DUSP16: variants seen among roughly 807,000 people sequenced by gnomAD.
The protein encoded by DUSP16 is dual specificity phosphatase 16.
DUSP16 carries 21 observed loss-of-function variants against 58.3 expected under a neutral mutation model. The observed-to-expected ratio is 0.36, with a 90% CI of 0.26 to 0.52. The LOEUF (loss-of-function observed/expected upper bound fraction) is 0.52, where lower values mean the gene tolerates loss of function less well. DUSP16 is among the 20% of genes least tolerant of loss of function. The probability of loss-of-function intolerance (pLI) is 0.94; values close to 1 mark genes in which losing one functional copy is unlikely to be tolerated. For missense variants in DUSP16, 726 were observed against 819.0 expected (o/e 0.89, Z 1.39); for synonymous variants, 320 against 323.8 (o/e 0.99, Z 0.12).
rs200650934 is a variant in DUSP16 at position 12,508,457 on chromosome 12, GA to G, written c.368-7776del. The stretch of plus-strand genomic sequence containing the variant: ...CACAGGTTTGGTAAATTACTCCTAG[GA>G]AGGTAGAGAGCATAGCATTTTTTCC... On this transcript the variant is annotated intron_variant, in intron 3 of 6. Coordinates refer to ENST00000298573, the MANE Select transcript of DUSP16 (RefSeq NM_030640.3). Among the ~76,000 whole-genome samples the G allele has an allele frequency of 8.5e-3, 1,296 of 152,322 alleles. 23 individuals carry two copies. The highest frequency in any genetic ancestry group is 0.029 in the African/African-American group (1,212 of 41,572).
intron 1 of DUSP16, among the ~76,000 whole-genome samples, chr12:12,536,571 CCT>C (rs1317638967): frequency 6.6e-6 from 1 of 151,880 alleles, no homozygotes; most frequent in Non-Finnish European, 1.5e-5. Flanking sequence ...ATGGTGAGAC[CCT>C]GTCTCTACTA....
At chr12:12,505,341 G>A (rs747698996) in intron 3 of DUSP16, among the ~76,000 whole-genome samples, 1 of 152,192 alleles carries the variant, frequency 6.6e-6, no homozygotes, top group Non-Finnish European at 1.5e-5. Flanking sequence ...CCAAACTGAT[G>A]GAAGAGCCTT....
intron 3 of DUSP16, among the ~76,000 whole-genome samples, chr12:12,501,509 C>T (rs188306735): frequency 6.6e-6 from 1 of 152,248 alleles, no homozygotes; most frequent in Admixed American, 6.5e-5. Flanking sequence ...TTCACTCCCT[C>T]CGGGAAAAGA....
rs1264190479 is a variant in DUSP16, at chr12:12,477,654, T to C, written c.1177A>G (p.Ser393Gly). The C allele has an allele frequency of 1.2e-6, 2 of 1,614,222 alleles. No homozygotes were observed. The highest frequency in any genetic ancestry group is 2.2e-5 in the East Asian group (1 of 44,884). ...GAGAAGGAACGCTTGAGCTTATTGC[T>C]GTCTTCCAGCCTGTCTGCGGACAGG... ...LHLSADRLED[S>G]NKLKRSFSLD... The change falls in exon 7 of 7, where the codon AGC becomes GGC. Residue 393 changes from serine to glycine, a missense_variant. Physicochemically the swap from Ser to Gly is moderately conservative, Grantham distance 56. Transcript: ENST00000298573. This position sits in a 1 kb window ranked among gnomAD's most constrained non-coding sequence, Gnocchi z 4.1.
At chr12:12,482,652 G>A (rs1943594474) in intron 5 of DUSP16, among the ~76,000 whole-genome samples, 2 of 152,204 alleles carry the variant, frequency 1.3e-5, no homozygotes, top group South Asian at 4.1e-4. Context: ...CCAGAGAGAA[G>A]GTTTGAGAAG....
chr12:12,506,369 T>A (rs1222840325), intron 3 of DUSP16, among the ~76,000 whole-genome samples: 1 of 152,256 alleles, frequency 6.6e-6, no homozygotes, highest in Non-Finnish European at 1.5e-5. Flanking sequence ...ATAACTTTGT[T>A]GTCCCAGGGA....
At chr12:12,521,710 A>G (rs1192704928) in intron 1 of DUSP16, among the ~76,000 whole-genome samples, 1 of 152,250 alleles carries the variant, frequency 6.6e-6, no homozygotes, top group East Asian at 1.9e-4. Context: ...AAGACATATC[A>G]TGAATTATAA....
At chr12:12,483,544 G>A (rs1943617064) in intron 5 of DUSP16, among the ~76,000 whole-genome samples, 1 of 152,036 alleles carries the variant, frequency 6.6e-6, no homozygotes, top group South Asian at 2.1e-4. Context: ...AATAACCAGG[G>A]TAGGCAGGAC....
At position 12,514,112 on chromosome 12, in the gene DUSP16, C is replaced by G. The variant is rs531598479; in HGVS notation, c.367+5750G>C. ...ACTATTGATACAGAAATTTCACATC[C>G]ATTGTCTAATACAATCCTCATAATA... is the stretch of plus-strand genomic sequence containing the variant. On this transcript the variant is annotated intron_variant, in intron 3 of 6. Transcript: ENST00000298573. Among the ~76,000 whole-genome samples, 41 of 152,176 alleles carry G rather than the reference C, an allele frequency of 2.7e-4. 1 individual carries two copies. Among genetic ancestry groups the G allele is most frequent in the Admixed American group, 1.3e-3 (20 of 15,288 alleles).
At position 12,477,428 on chromosome 12, in the gene DUSP16, G is replaced by C. The variant is rs1943470229; in HGVS notation, c.1403C>G (p.Pro468Arg). ...AGGCCTGGCGGTCTGCAGCTTCTTG[G>C]GGATGCTGGCTTCCTCCTTATCAGG... is the stretch of plus-strand genomic sequence containing the variant. ...TSPDKEEASIPKKLQTARPSD... is the reference protein window; with the variant it reads ...TSPDKEEASIRKKLQTARPSD... Residue 468 changes from proline (P) to arginine (R), a missense_variant, in exon 7 of 7, where the codon CCC becomes CGC. Pro to Arg is a moderately radical substitution (Grantham distance 103). Coordinates refer to ENST00000298573, the MANE Select transcript of DUSP16 (RefSeq NM_030640.3). The surrounding 1 kb of genome is among the most constrained non-coding windows in gnomAD (Gnocchi z 4.1). 6.2e-7 allele frequency: 1 copy of C among 1,607,486 alleles called. No individual in the cohort carries two copies.
intron 1 of DUSP16, among the ~76,000 whole-genome samples, chr12:12,541,503 G>A (rs1279149414): frequency 6.6e-6 from 1 of 152,194 alleles, no homozygotes; most frequent in Admixed American, 6.5e-5. Context: ...CTTATTGGAA[G>A]GCCCAGTAAG....
chr12:12,549,091 A>G (rs1944690399), intron 1 of DUSP16, among the ~76,000 whole-genome samples: 1 of 152,226 alleles, frequency 6.6e-6, no homozygotes. Context: ...TTCATTTTCA[A>G]TGAAATATGA....
chr12:12,549,776 T>TAA (rs35578513), intron 1 of DUSP16, among the ~76,000 whole-genome samples: 52 of 148,016 alleles, frequency 3.5e-4, no homozygotes, highest in East Asian at 5.9e-4. Flanking sequence ...GCTTTTTTAT[T>TAA]AAAAAAAAAA....
At chr12:12,528,535 C>G (rs1944337103) in intron 1 of DUSP16, among the ~76,000 whole-genome samples, 1 of 152,166 alleles carries the variant, frequency 6.6e-6, no homozygotes, top group African/African-American at 2.4e-5. Flanking sequence ...ATTCGTGCAT[C>G]CTGGTTTTCT....
intron 1 of DUSP16, among the ~76,000 whole-genome samples, chr12:12,536,624 A>T (rs2136246965): frequency 6.6e-6 from 1 of 152,258 alleles, no homozygotes; most frequent in Admixed American, 6.5e-5. Context: ...ACATGCCTGT[A>T]ATCTTAGCTA....
At chr12:12,535,536 C>A (rs1944451855) in intron 1 of DUSP16, among the ~76,000 whole-genome samples, 1 of 152,096 alleles carries the variant, frequency 6.6e-6, no homozygotes, top group Non-Finnish European at 1.5e-5. Flanking sequence ...CCTGCAGCAG[C>A]AACAAACACC....
At chr12:12,502,550 AT>A (rs58116968) in intron 3 of DUSP16, among the ~76,000 whole-genome samples, 4,040 of 130,812 alleles carry the variant, frequency 0.031, 146 homozygotes, top group African/African-American at 0.099. Context: ...TCATGGTTTC[AT>A]TTTTTTTTTT....
intron 4 of DUSP16, among the ~76,000 whole-genome samples, chr12:12,500,312 A>G (rs1179526151): frequency 1.3e-5 from 2 of 152,338 alleles, no homozygotes; most frequent in African/African-American, 4.8e-5. Flanking sequence ...AGTAGACATG[A>G]CAATAATTTA....
Position 12,476,850 on chromosome 12 carries a change from T to C in DUSP16, c.1981A>G (p.Ile661Val). 6.2e-7 allele frequency: 1 copy of C among 1,607,294 alleles called. No individual in the cohort carries two copies. The highest frequency in any genetic ancestry group is 8.5e-7 in the Non-Finnish European group (1 of 1,178,070). The stretch of plus-strand genomic sequence containing the variant: ...CTTTCTTCTCAGGAGACCTCAATGA[T>C]TTCCATGCTGCCCGAAAAGCTAGAC... Reference protein sequence around the residue: ...SQSSFSGSMEIIEVS With the variant: ...SQSSFSGSMEVIEVS Residue 661 changes from isoleucine to valine, a missense_variant, in exon 7 of 7, where the codon ATC becomes GTC. Ile to Val is a conservative substitution (Grantham distance 29, BLOSUM62 3). Coordinates refer to ENST00000298573, the MANE Select transcript of DUSP16 (RefSeq NM_030640.3).
Sources: gnomAD v4.1 joint callset for allele counts (sites outside exome capture counted in the v4.1 genomes callset) on GRCh38, gnomAD v4.1.1 for gene constraint, Gnocchi (gnomAD v3.1) non-coding constraint, MANE v1.5 for transcripts, NCBI Gene and HGNC (gene_info 2026-07-23, HGNC 2026-07-21) for gene names.